USP34: variants seen among roughly 807,000 people sequenced by gnomAD.
USP34 encodes ubiquitin carboxyl-terminal hydrolase 34.
A neutral mutation model predicts 460.3 loss-of-function variants in USP34; 70 were observed. That is an observed-to-expected ratio of 0.15 (90% confidence interval 0.13 to 0.19). USP34 has a LOEUF of 0.19. Among genes scored for constraint, USP34 ranks in the 10% least tolerant of loss-of-function variants. USP34 has a pLI of 1.00. For missense variants in USP34, 3,985 were observed against 4,236.2 expected (o/e 0.94, Z 1.65); for synonymous variants, 1,647 against 1,405.3 (o/e 1.17, Z -3.85).
intron 67 of USP34, among the ~76,000 whole-genome samples, chr2:61,215,100 TTTC>T (rs1687360687): frequency 6.6e-6 from 1 of 152,186 alleles, no homozygotes; most frequent in Non-Finnish European, 1.5e-5. Flanking sequence ...CAGTCTTAGT[TTTC>T]TTCTTAATTG....
In USP34 at chr2:61,190,403, T is replaced by C. The variant is rs1686601346; in HGVS notation, c.9741A>G (p.Gln3247=). 3 of 1,607,348 alleles carry C rather than the reference T, an allele frequency of 1.9e-6. No individual in the cohort carries two copies. The highest frequency in any genetic ancestry group is 2.7e-5 in the African/African-American group (2 of 74,496). The change falls in exon 78 of 80, where the codon CAA becomes CAG. Residue 3247 remains glutamine, a synonymous_variant. Transcript: ENST00000398571. Reference sequence around the variant, plus strand: ...TGGCACAGTTTGCTTCAGAAAACACTTGACTTTGAACCTGAAAAAGAAGAT... The same window carrying C: ...TGGCACAGTTTGCTTCAGAAAACACCTGACTTTGAACCTGAAAAAGAAGAT... ...MTHFLLKVQS[Q]VFSEANCANL... is the part of the protein sequence containing the mutation.
rs746534390 is a variant in USP34, at chr2:61,343,983, T to C, written c.2332A>G (p.Ser778Gly). 2 of 1,613,904 alleles carry C rather than the reference T, an allele frequency of 1.2e-6. No individual in the cohort carries two copies. Among genetic ancestry groups the C allele is most frequent in the East Asian group, 2.2e-5 (1 of 44,820 alleles). ...TCTGATTTTGCACTAACCTGGGAGCTACTACAACTGACATCATCTGCACTT... is the reference window on the plus strand; with the variant it reads ...TCTGATTTTGCACTAACCTGGGAGCCACTACAACTGACATCATCTGCACTT... ...MLSADDVSCS[S>G]SQVSAKSEKN... The change falls in exon 16 of 80, where the codon AGC (serine) becomes GGC (glycine). Residue 778 changes from serine (S) to glycine (G), a missense_variant. Ser to Gly is a moderately conservative substitution (Grantham distance 56). This residue lies in a region of USP34 where 716 missense variants were observed against 626.2 expected (regional missense o/e 1.14). Transcript: ENST00000398571.
At chr2:61,370,811 C>A (rs543980100) in intron 8 of USP34, among the ~76,000 whole-genome samples, 13 of 152,238 alleles carry the variant, frequency 8.5e-5, no homozygotes, top group Admixed American at 3.9e-4. Context: ...GAAAAGGTAA[C>A]GATTAACACC....
rs747493977 is a variant in USP34, at chr2:61,278,296, G to GA, written c.5313-12dup. 6.9e-5 allele frequency: 111 copies of GA among 1,607,460 alleles called. No homozygotes were observed. Among genetic ancestry groups the GA allele is most frequent in the African/African-American group, 1.3e-4 (10 of 74,186 alleles). On this transcript the variant is annotated splice_polypyrimidine_tract_variant and intron_variant, in intron 40 of 79. Transcript: ENST00000398571. ...TCAAGGATCTCCCTACTACAAAAAA[G>GA]AAAAAAAATACACACAAGCAAGATA...
intron 39 of USP34, among the ~76,000 whole-genome samples, chr2:61,279,449 T>C (rs1453205730): frequency 6.6e-6 from 1 of 152,196 alleles, no homozygotes; most frequent in Non-Finnish European, 1.5e-5. Flanking sequence ...AGTCTTTAAG[T>C]GGCAAGATTT....
At chr2:61,293,685 T>C in intron 32 of USP34, 135 bp from the exon 33 acceptor site, 1 of 605,052 alleles carries the variant, frequency 1.7e-6, no homozygotes, top group Non-Finnish European at 2.8e-6. Flanking sequence ...ATTACCAAAA[T>C]AATTTCTAGA....
At position 61,214,137 on chromosome 2, in the gene USP34, T is replaced by C. The variant is rs1422304010; in HGVS notation, c.8605A>G (p.Thr2869Ala). The C allele has an allele frequency of 1.9e-6, 3 of 1,614,222 alleles. No homozygotes were observed. The South Asian group carries it at 3.3e-5, about 18-fold the overall frequency. Residue 2869 changes from threonine to alanine, a missense_variant, in exon 68 of 80, where the codon ACA (threonine) becomes GCA (alanine). Transcript: ENST00000398571. ...TTCTGGTGAGAAGCCAGTTGTCGTGTGAATGCAGGAGACTGCTCACAGCAG... is the reference window on the plus strand; with the variant it reads ...TTCTGGTGAGAAGCCAGTTGTCGTGCGAATGCAGGAGACTGCTCACAGCAG... ...RLCCEQSPAF[T>A]RQLASHQNIQ...
Position 61,346,831 on chromosome 2 carries a change from C to CAAAA in USP34, c.2285+1035_2285+1038dup, listed in dbSNP as rs776311612. 6.0e-3 allele frequency among the ~76,000 whole-genome samples: 180 copies of CAAAA among 29,784 alleles called. 7 individuals carry two copies. Among genetic ancestry groups the CAAAA allele is most frequent in the Admixed American group, 0.04 (88 of 2,192 alleles). 19.5% of individuals were successfully genotyped at this position (29,784 alleles called of 152,430 possible). On this transcript the variant is annotated intron_variant, in intron 15 of 79. Transcript: ENST00000398571. ...TGGGTGACAGAGTGAGATTCCAACT[C>CAAAA]AAAAAAAAAAAAAAAAAAAAAAAAG...
At chr2:61,357,102 C>T (rs760955173) in intron 10 of USP34, among the ~76,000 whole-genome samples, 1 of 152,162 alleles carries the variant, frequency 6.6e-6, no homozygotes, top group Admixed American at 6.5e-5. Context: ...ATAGACCTAG[C>T]AGGCATACAC....
intron 32 of USP34, among the ~76,000 whole-genome samples, chr2:61,294,369 A>G (rs556315356): frequency 5.3e-5 from 8 of 151,788 alleles, no homozygotes; most frequent in African/African-American, 1.9e-4. Context: ...TTATACACAC[A>G]CACACGAAAA....
At chr2:61,449,461 A>G (rs1695207942) in intron 1 of USP34, among the ~76,000 whole-genome samples, 1 of 151,900 alleles carries the variant, frequency 6.6e-6, no homozygotes, top group South Asian at 2.1e-4. Flanking sequence ...AGTTGATCCT[A>G]AAACTCAGAA....
At position 61,220,311 on chromosome 2, in the gene USP34, A is replaced by T. The variant is rs1314687833; in HGVS notation, c.8046T>A (p.Thr2682=). The T allele has an allele frequency of 2.5e-6, 4 of 1,605,038 alleles. No homozygotes were observed. The highest frequency in any genetic ancestry group is 3.4e-6 in the Non-Finnish European group (4 of 1,177,148). The change falls in exon 67 of 80, where the codon ACT becomes ACA. Residue 2682 remains threonine, a splice_region_variant and synonymous_variant. Coordinates refer to ENST00000398571, the MANE Select transcript of USP34 (RefSeq NM_014709.4). ...LLAHNYPRVR[T]SAAYLLVSLI... ...TGAAATTCTAAATATTTGACTTACAAGTCCTCACTCTAGGATAATTGTGAG... is the reference window on the plus strand; with the variant it reads ...TGAAATTCTAAATATTTGACTTACATGTCCTCACTCTAGGATAATTGTGAG...
At chr2:61,266,459 G>C (rs1159815665) in intron 41 of USP34, among the ~76,000 whole-genome samples, 1 of 151,968 alleles carries the variant, frequency 6.6e-6, no homozygotes, top group East Asian at 1.9e-4. Flanking sequence ...TTTTTGTTAA[G>C]GCCTCATTAT....
chr2:61,405,287 T>TATTATTTG (rs1171199080), intron 3 of USP34, among the ~76,000 whole-genome samples: 9 of 148,124 alleles, frequency 6.1e-5, no homozygotes, highest in African/African-American at 2.2e-4. Flanking sequence ...AAGGAAATAC[T>TATTATTTG]ATTATTTGAA....
At chr2:61,224,938 A>G (rs1305052694) in intron 62 of USP34, among the ~76,000 whole-genome samples, 1 of 152,054 alleles carries the variant, frequency 6.6e-6, no homozygotes, top group African/African-American at 2.4e-5. Context: ...CTTCTCATTC[A>G]TTTCTTTCCC....
At chr2:61,293,663 C>A in intron 32 of USP34, 113 bp from the exon 33 acceptor site, 2 of 682,156 alleles carry the variant, frequency 2.9e-6, no homozygotes, top group Non-Finnish European at 4.8e-6. Flanking sequence ...ATTTACACTA[C>A]TATTCATTTA....
chr2:61,221,761 A>G, intron 65 of USP34, 155 bp from the exon 66 acceptor site: 1 of 593,922 alleles, frequency 1.7e-6, no homozygotes, highest in East Asian at 3.3e-5. Context: ...GAACTACCAT[A>G]AAGCAGCAGG....
At chr2:61,438,909 T>C (rs762709681) in intron 1 of USP34, among the ~76,000 whole-genome samples, 1 of 152,168 alleles carries the variant, frequency 6.6e-6, no homozygotes, top group Non-Finnish European at 1.5e-5. Context: ...TGACCTTATA[T>C]ATAGTAAAAC....
intron 1 of USP34, among the ~76,000 whole-genome samples, chr2:61,458,190 C>T (rs958671103): frequency 5.9e-5 from 9 of 152,000 alleles, no homozygotes; most frequent in African/African-American, 2.2e-4. Flanking sequence ...ATAAAAAGAA[C>T]CAGAGCTACT....
Sources: allele counts gnomAD v4.1 joint callset (sites outside exome capture counted in the v4.1 genomes callset), GRCh38; gene constraint gnomAD v4.1.1; regional missense constraint gnomAD v4.1.1; transcripts MANE v1.5; gene names NCBI Gene and HGNC (gene_info 2026-07-23, HGNC 2026-07-21).